PRPF3: variants seen among roughly 807,000 people sequenced by gnomAD.
PRPF3 encodes the protein pre-mRNA processing factor 3.
PRPF3 carries 3 observed loss-of-function variants against 89.2 expected under a neutral mutation model. The ratio of observed to expected loss-of-function variants is 0.03; its 90% CI spans 0.02 to 0.09. The LOEUF is 0.09. PRPF3 is among the 10% of genes least tolerant of loss of function. PRPF3 has a pLI of 1.00. For missense variants in PRPF3, 463 were observed against 828.8 expected (o/e 0.56, Z 5.42); for synonymous variants, 270 against 289.1 (o/e 0.93, Z 0.67).
At chr1:150,343,996 T>C (rs897083393) in intron 10 of PRPF3, among the ~76,000 whole-genome samples, 166 bp from the exon 11 acceptor site, 1 of 152,216 alleles carries the variant, frequency 6.6e-6, no homozygotes, top group Admixed American at 6.5e-5. Flanking sequence ...CTGCAAATGC[T>C]GAAGTGATTG....
intron 11 of PRPF3, 53 bp downstream of exon 11, chr1:150,344,314 C>G (rs868973456): frequency 3.1e-6 from 5 of 1,613,774 alleles, no homozygotes; most frequent in Non-Finnish European, 4.2e-6. Flanking sequence ...TTCCCAAACT[C>G]TTCTGGGGGG....
rs1051371932 is a variant in PRPF3, at chr1:150,353,053, C to T, written c.*74C>T. 1 of 1,583,280 alleles carries T rather than the reference C, an allele frequency of 6.3e-7. No homozygotes were observed. Among genetic ancestry groups the T allele is most frequent in the Non-Finnish European group, 8.7e-7 (1 of 1,153,496 alleles). On this transcript the variant is annotated 3_prime_UTR_variant, in exon 16 of 16. Transcript: ENST00000324862. ...CCTCTCACTTATTCTATTTCCCAAC[C>T]CCCTCCCACTTGTTTGTGTGATCTC... is the stretch of plus-strand genomic sequence containing the variant.
chr1:150,338,161 C>T lies in PRPF3; in HGVS notation c.1037C>T (p.Ala346Val), dbSNP rs2101990143. The change falls in exon 8 of 16, where the codon GCT becomes GTT. Residue 346 changes from alanine to valine, a missense_variant and splice_region_variant. Physicochemically the swap from Ala to Val is moderately conservative, Grantham distance 64. Transcript: ENST00000324862. ...EKIAQRLRTK[A>V]QLEKLQAEIS... ...TGTCTTGGATTATCTTGTTTTTAGG[C>T]TCAACTGGAGAAGCTACAGGCAGAG... 6.2e-7 allele frequency: 1 copy of T among 1,613,628 alleles called. No individual in the cohort carries two copies. Among genetic ancestry groups the T allele is most frequent in the Non-Finnish European group, 8.5e-7 (1 of 1,179,800 alleles).
Position 150,352,921 on chromosome 1 carries a change from G to C in PRPF3, c.1994G>C (p.Gly665Ala). Residue 665 changes from glycine (G) to alanine (A), a missense_variant, in exon 16 of 16, where the codon GGG becomes GCG. Physicochemically the swap from Gly to Ala is moderately conservative, Grantham distance 60 (BLOSUM62 0). This residue lies in a region of PRPF3 where 78 missense variants were observed against 96.6 expected (regional missense o/e 0.81). Transcript: ENST00000324862. ...NMAREHFKKH[G>A]AEHYWDLALS... The stretch of plus-strand genomic sequence containing the variant: ...GCTCGTGAGCATTTCAAAAAGCATG[G>C]GGCTGAACACTACTGGGACCTTGCG... The C allele has an allele frequency of 6.2e-7, 1 of 1,614,102 alleles. No homozygotes were observed. The highest frequency in any genetic ancestry group is 1.1e-5 in the South Asian group (1 of 91,082).
intron 15 of PRPF3, among the ~76,000 whole-genome samples, chr1:150,351,303 C>G (rs1328480038): frequency 6.6e-6 from 1 of 151,940 alleles, no homozygotes; most frequent in Non-Finnish European, 1.5e-5. Flanking sequence ...TCTCTTCAGA[C>G]CAGTCTTTAT....
chr1:150,348,822 A>G (rs1031443730), intron 14 of PRPF3: 2 of 319,408 alleles, frequency 6.3e-6, no homozygotes, highest in Non-Finnish European at 1.2e-5. Flanking sequence ...TTTTGAGAGT[A>G]ATATATGATG....
chr1:150,326,756 T>C (rs1655763314), intron 3 of PRPF3, among the ~76,000 whole-genome samples: 1 of 152,016 alleles, frequency 6.6e-6, no homozygotes, highest in African/African-American at 2.4e-5. Flanking sequence ...GGAGAGATAG[T>C]CCTTGCCTTA....
At chr1:150,346,273 G>C in intron 13 of PRPF3, 135 bp from the exon 14 acceptor site, 1 of 1,235,946 alleles carries the variant, frequency 8.1e-7, no homozygotes, top group South Asian at 1.2e-5. Context: ...CTGCTTCTGT[G>C]TTTTTTGGAG....
In PRPF3 at chr1:150,335,144, C is replaced by T. The variant is rs1553866953; in HGVS notation, c.938C>T (p.Pro313Leu). The change falls in exon 7 of 16, where the codon CCC (proline) becomes CTC (leucine). Residue 313 changes from proline to leucine, a missense_variant. Physicochemically the swap from Pro to Leu is moderately conservative, Grantham distance 98 (BLOSUM62 -3). Coordinates refer to ENST00000324862, the MANE Select transcript of PRPF3 (RefSeq NM_004698.4). ...EDMESNTFFD[P>L]RVSIAPSQRQ... ...ATGGAATCCAATACCTTTTTTGACC[C>T]CCGAGTCTCCATTGCCCCTTCCCAG... 4 of 1,613,810 alleles carry T rather than the reference C, an allele frequency of 2.5e-6. No homozygotes were observed. Among genetic ancestry groups the T allele is most frequent in the African/African-American group, 1.3e-5 (1 of 74,952 alleles).
chr1:150,340,018 G>A (rs1221158498), intron 8 of PRPF3, among the ~76,000 whole-genome samples: 4 of 152,104 alleles, frequency 2.6e-5, no homozygotes, highest in Non-Finnish European at 5.9e-5. Flanking sequence ...CACATCACCT[G>A]GCCCTGCTCC....
chr1:150,349,255 C>G (rs370345358), intron 15 of PRPF3, 37 bp downstream of exon 15: 334 of 1,458,726 alleles, frequency 2.3e-4, no homozygotes, highest in Middle Eastern at 1.3e-3. Context: ...AAAACTTTAG[C>G]CAACTCCTGA....
At chr1:150,333,765 G>C (rs1656679342) in intron 6 of PRPF3, among the ~76,000 whole-genome samples, 1 of 152,040 alleles carries the variant, frequency 6.6e-6, no homozygotes, top group South Asian at 2.1e-4. Flanking sequence ...GTATAGCCAG[G>C]TTTCCTTCCT....
At chr1:150,340,749 G>A (rs1657604581) in intron 9 of PRPF3, among the ~76,000 whole-genome samples, 1 of 152,084 alleles carries the variant, frequency 6.6e-6, no homozygotes, top group African/African-American at 2.4e-5. Context: ...GGAGGCCAAG[G>A]CAGGAGGATT....
chr1:150,342,020 C>T (rs1553871342), intron 9 of PRPF3, among the ~76,000 whole-genome samples: 2 of 151,532 alleles, frequency 1.3e-5, no homozygotes, highest in Non-Finnish European at 2.9e-5. Flanking sequence ...TTGTTTTCTA[C>T]ATTTGCCAGG....
Position 150,328,313 on chromosome 1 carries a change from C to T in PRPF3, c.277-7C>T, listed in dbSNP as rs1553864375. The T allele has an allele frequency of 1.9e-6, 3 of 1,613,778 alleles. No homozygotes were observed. Among genetic ancestry groups the T allele is most frequent in the Non-Finnish European group, 2.5e-6 (3 of 1,179,912 alleles). Reference sequence around the variant, plus strand: ...TACAGCTTTTCTTTCATCTTGGGTTCCCTTAGGAGGTGTTTGGTGATGACT... The same window carrying T: ...TACAGCTTTTCTTTCATCTTGGGTTTCCTTAGGAGGTGTTTGGTGATGACT... On this transcript the variant is annotated splice_polypyrimidine_tract_variant and splice_region_variant and intron_variant, in intron 3 of 15. Coordinates refer to ENST00000324862, the MANE Select transcript of PRPF3 (RefSeq NM_004698.4).
At chr1:150,322,877 T>G (rs1655215750) in intron 1 of PRPF3, among the ~76,000 whole-genome samples, 1 of 134 alleles carries the variant, frequency 7.5e-3, no homozygotes, top group Non-Finnish European at 0.017. Context: ...TTTAGACACC[T>G]TTTTTTTTTT....
At chr1:150,327,819 G>C (rs1456654840) in intron 3 of PRPF3, 1 of 191,272 alleles carries the variant, frequency 5.2e-6, no homozygotes, top group East Asian at 1.7e-4. Flanking sequence ...TCCTGGAAGA[G>C]CTTAGACTTA....
intron 1 of PRPF3, among the ~76,000 whole-genome samples, chr1:150,322,034 C>T (rs1374973862): frequency 6.6e-6 from 1 of 152,080 alleles, no homozygotes; most frequent in Admixed American, 6.6e-5. Flanking sequence ...CCCACTACCC[C>T]CGCACCTCGC....
At chr1:150,339,267 C>A (rs763833350) in intron 8 of PRPF3, among the ~76,000 whole-genome samples, 1 of 150,610 alleles carries the variant, frequency 6.6e-6, no homozygotes, top group Non-Finnish European at 1.5e-5. Flanking sequence ...CCTGGCTACC[C>A]AGGAGGCTGA....
Sources: gnomAD v4.1 joint callset for allele counts (sites outside exome capture counted in the v4.1 genomes callset) on GRCh38, gnomAD v4.1.1 for gene constraint, gnomAD v4.1.1 regional missense constraint, MANE v1.5 for transcripts, NCBI Gene and HGNC (gene_info 2026-07-23, HGNC 2026-07-21) for gene names.